SFTPD: variants seen among roughly 807,000 people sequenced by gnomAD.
SFTPD encodes the protein pulmonary surfactant-associated protein D.
Under a neutral mutation model 34.6 loss-of-function variants are expected in SFTPD, and 18 were observed. That is an observed-to-expected ratio of 0.52 (90% CI 0.36 to 0.77). The LOEUF (loss-of-function observed/expected upper bound fraction) is 0.77. Ranked by LOEUF, SFTPD falls within the 30% of genes least tolerant of loss-of-function variation. The pLI, the probability that SFTPD is intolerant of heterozygous loss-of-function variation, is 0.00. For synonymous variants in SFTPD, 155 were observed against 180.9 expected (o/e 0.86, Z 1.15); for missense variants, 433 against 468.9 (o/e 0.92, Z 0.71).
intron 1 of SFTPD, among the ~76,000 whole-genome samples, chr10:79,962,591 A>T (rs1257245132): frequency 4.0e-5 from 6 of 151,582 alleles, no homozygotes. Context: ...ATGTTTTTTA[A>T]CTCCATTGTC....
At chr10:79,975,155 G>A (rs1407991001) in intron 1 of SFTPD, among the ~76,000 whole-genome samples, 1 of 152,178 alleles carries the variant, frequency 6.6e-6, no homozygotes, top group Non-Finnish European at 1.5e-5. Context: ...AGTCGCTCTA[G>A]GTGCTGCTCG....
intron 1 of SFTPD, among the ~76,000 whole-genome samples, chr10:79,959,708 C>A (rs1023401793): frequency 2.0e-5 from 3 of 152,136 alleles, no homozygotes; most frequent in African/African-American, 7.2e-5. Context: ...CCAAATTCTA[C>A]CAGAGGTACA....
At chr10:79,946,401 C>T in intron 2 of SFTPD, 60 bp downstream of exon 2, 2 of 1,268,370 alleles carry the variant, frequency 1.6e-6, no homozygotes, top group East Asian at 2.3e-5. Context: ...AGTTGCTGGG[C>T]TAGTTACAGT....
At chr10:79,960,992 C>T (rs1452460753) in intron 1 of SFTPD, among the ~76,000 whole-genome samples, 3 of 151,958 alleles carry the variant, frequency 2.0e-5, no homozygotes, top group African/African-American at 7.3e-5. Context: ...AATAATGCCG[C>T]ATATCTGCAA....
intron 1 of SFTPD, among the ~76,000 whole-genome samples, chr10:79,955,432 C>A (rs2132509737): frequency 6.6e-6 from 1 of 152,120 alleles, no homozygotes; most frequent in Non-Finnish European, 1.5e-5. Context: ...TATAGGGATC[C>A]TGAAGTAAAA....
chr10:79,978,246 CACA>C (rs1167988805), intron 1 of SFTPD, among the ~76,000 whole-genome samples: 3 of 152,182 alleles, frequency 2.0e-5, no homozygotes, highest in Non-Finnish European at 4.4e-5. Context: ...TGTAATACAT[CACA>C]ACAATAGTGT....
At chr10:79,976,334 C>A (rs1436637974) in intron 1 of SFTPD, among the ~76,000 whole-genome samples, 1 of 152,136 alleles carries the variant, frequency 6.6e-6, no homozygotes, top group Admixed American at 6.5e-5. Context: ...AGCCTGAGAT[C>A]CAGGCTTGCA....
chr10:79,978,005 C>G (rs1347294475), intron 1 of SFTPD, among the ~76,000 whole-genome samples: 2 of 152,206 alleles, frequency 1.3e-5, no homozygotes, highest in African/African-American at 2.4e-5. Context: ...GACAGTAGCA[C>G]TCAAGAACAG....
At chr10:79,974,175 AT>A (rs572935821) in intron 1 of SFTPD, among the ~76,000 whole-genome samples, 23 of 151,486 alleles carry the variant, frequency 1.5e-4, no homozygotes, top group Non-Finnish European at 2.7e-4. Flanking sequence ...TTATTTATTT[AT>A]TTTTTTTCTG....
At chr10:79,942,560 G>T in intron 3 of SFTPD, 56 bp from the exon 4 acceptor site, 1 of 1,161,324 alleles carries the variant, frequency 8.6e-7, no homozygotes, top group Non-Finnish European at 1.3e-6. Context: ...CAGGAGGAGT[G>T]TGTAGTAAGG....
At chr10:79,956,046 C>T (rs947204766) in intron 1 of SFTPD, among the ~76,000 whole-genome samples, 3 of 152,156 alleles carry the variant, frequency 2.0e-5, no homozygotes, top group African/African-American at 4.8e-5. Flanking sequence ...ACAGAATTTT[C>T]ATCTAAAAGC....
rs889060940 is a variant in SFTPD, at chr10:79,982,145, G to T, written c.36+430C>A. 1.4e-5 allele frequency: 5 copies of T among 367,768 alleles called. No individual in the cohort carries two copies. In the Admixed American group the frequency reaches 1.5e-4, roughly 11 times the overall value. 22.8% of individuals were successfully genotyped at this position (367,768 alleles called of 1,614,324 possible). ...CCCGCCCTCCTGGCTCTCCGGGCGCGCCTGGCGGGGCAGGGCGGACATGGG... is the reference window on the plus strand; with the variant it reads ...CCCGCCCTCCTGGCTCTCCGGGCGCTCCTGGCGGGGCAGGGCGGACATGGG... On this transcript the variant is annotated intron_variant, in intron 1 of 5. Transcript: ENST00000444384.
At chr10:79,973,356 A>G (rs1842846217) in intron 1 of SFTPD, 1 of 152,006 alleles carries the variant, frequency 6.6e-6, no homozygotes, top group South Asian at 2.1e-4. Context: ...GCAGTGGCTT[A>G]CATCTGTAAT....
intron 1 of SFTPD, among the ~76,000 whole-genome samples, chr10:79,980,369 C>A (rs1040082457): frequency 6.6e-6 from 1 of 152,178 alleles, no homozygotes; most frequent in Non-Finnish European, 1.5e-5. Flanking sequence ...TTTATAGACT[C>A]ACCCTGAGAC....
At chr10:79,963,766 C>T (rs61860401) in intron 1 of SFTPD, among the ~76,000 whole-genome samples, 22,292 of 152,146 alleles carry the variant, frequency 0.15, 2,069 homozygotes, top group East Asian at 0.41. Flanking sequence ...ACATGTGGTA[C>T]TTATTTTTCC....
At chr10:79,966,940 C>A (rs546265350) in intron 1 of SFTPD, among the ~76,000 whole-genome samples, 3 of 147,126 alleles carry the variant, frequency 2.0e-5, no homozygotes, top group African/African-American at 5.1e-5. Context: ...TAGTGTTGGA[C>A]GTTCTGGCCA....
intron 1 of SFTPD, among the ~76,000 whole-genome samples, chr10:79,963,137 G>A (rs1469739956): frequency 6.6e-6 from 1 of 152,086 alleles, no homozygotes; most frequent in East Asian, 1.9e-4. Context: ...GAGGCCAGGA[G>A]TTTGACACAA....
intron 7 of SFTPD, among the ~76,000 whole-genome samples, chr10:79,940,297 G>T (rs1412191429): frequency 1.3e-5 from 2 of 152,190 alleles, no homozygotes; most frequent in Non-Finnish European, 1.5e-5. Flanking sequence ...CAGGAGAGAG[G>T]CTCTACTGAA....
intron 1 of SFTPD, chr10:79,981,937 C>A (rs1842893091): frequency 9.7e-6 from 3 of 309,564 alleles, no homozygotes; most frequent in East Asian, 1.2e-4. Context: ...GAGACCCCTT[C>A]CTCTCCACGT....
Sources: allele counts gnomAD v4.1 joint callset (sites outside exome capture counted in the v4.1 genomes callset), GRCh38; gene constraint gnomAD v4.1.1; transcripts MANE v1.5; gene names NCBI Gene and HGNC (gene_info 2026-07-23, HGNC 2026-07-21).